Variants in EIF3H observed in about 807,000 individuals in gnomAD.
The protein encoded by EIF3H is eukaryotic translation initiation factor 3 subunit H.
A neutral mutation model predicts 44.2 loss-of-function variants in EIF3H; 26 were observed. The observed-to-expected ratio is 0.59, with a 90% CI of 0.43 to 0.82. The LOEUF is 0.82. EIF3H is among the 40% of genes least tolerant of loss of function. EIF3H has a pLI of 0.00. For synonymous variants in EIF3H, 166 were observed against 151.9 expected (o/e 1.09, Z -0.68); for missense variants, 359 against 432.8 (o/e 0.83, Z 1.51).
At chr8:116,732,077 A>G (rs1312748524) in intron 1 of EIF3H, among the ~76,000 whole-genome samples, 2 of 152,210 alleles carry the variant, frequency 1.3e-5, no homozygotes, top group Non-Finnish European at 2.9e-5. Flanking sequence ...AAGATAGTAA[A>G]CAGATGTCCT....
rs898937772 is a variant in EIF3H, at chr8:116,737,267, T to A, written c.133-11095A>T. 7 of 449,046 alleles carry A rather than the reference T, an allele frequency of 1.6e-5. No individual in the cohort carries two copies. The Admixed American group carries it at 1.7e-4, about 11-fold the overall frequency. The allele number at this position is 449,046 out of a possible 1,614,324, so 27.8% of individuals were successfully genotyped here. A position where few individuals can be genotyped will look rare whatever the true frequency, so the allele number is the denominator to read the frequency against. On this transcript the variant is annotated intron_variant, in intron 1 of 7. Transcript: ENST00000521861. Reference sequence around the variant, plus strand: ...AAAATCATCAGCAATATTTTCTATCTACGTACTTGAAGGCATTTCCCTGGG... The same window carrying A: ...AAAATCATCAGCAATATTTTCTATCAACGTACTTGAAGGCATTTCCCTGGG...
At chr8:116,717,452 A>C (rs1166273932) in intron 2 of EIF3H, among the ~76,000 whole-genome samples, 1 of 152,166 alleles carries the variant, frequency 6.6e-6, no homozygotes. Context: ...AAGAAGACTA[A>C]AGCAAAAATA....
chr8:116,745,157 T>C (rs181077113), intron 1 of EIF3H, among the ~76,000 whole-genome samples: 17 of 152,360 alleles, frequency 1.1e-4, no homozygotes, highest in African/African-American at 3.4e-4. Flanking sequence ...GCATTAACCA[T>C]ATAAATCCAG....
At chr8:116,688,227 G>A (rs1814112133) in intron 2 of EIF3H, among the ~76,000 whole-genome samples, 1 of 152,084 alleles carries the variant, frequency 6.6e-6, no homozygotes, top group Non-Finnish European at 1.5e-5. Context: ...TTGAAACACA[G>A]AATGTTGTCT....
intron 2 of EIF3H, among the ~76,000 whole-genome samples, chr8:116,694,479 T>TA (rs1175012433): frequency 6.6e-6 from 1 of 152,224 alleles, no homozygotes; most frequent in African/African-American, 2.4e-5. Flanking sequence ...ATTTGATTAG[T>TA]AAAAAAATCA....
At chr8:116,704,942 G>A (rs1814441463) in intron 2 of EIF3H, among the ~76,000 whole-genome samples, 1 of 152,166 alleles carries the variant, frequency 6.6e-6, no homozygotes, top group South Asian at 2.1e-4. Context: ...TATACCAAAT[G>A]TAAAGGTCTA....
intron 2 of EIF3H, among the ~76,000 whole-genome samples, chr8:116,672,110 T>C (rs890023654): frequency 5.3e-5 from 8 of 152,212 alleles, no homozygotes; most frequent in South Asian, 4.1e-4. Flanking sequence ...CCTTGTTAGA[T>C]AGAGAAAGCT....
chr8:116,647,551 A>G (rs1486201267), intron 6 of EIF3H, among the ~76,000 whole-genome samples: 1 of 152,224 alleles, frequency 6.6e-6, no homozygotes, highest in Non-Finnish European at 1.5e-5. Context: ...TATAAACTTT[A>G]ACTATAAACT....
rs1452507024 is a variant in EIF3H, at chr8:116,763,912, C to T, written c.-27+1603G>A. Among the ~76,000 whole-genome samples the T allele has an allele frequency of 2.0e-5, 3 of 152,086 alleles. No individual in the cohort carries two copies. The East Asian group carries it at 5.8e-4, about 29-fold the overall frequency. ...CTTTAATTCCATTTAGGCCATGAATCTTTCATGAGAAAGTCCTATTTGGGA... is the reference window on the plus strand; with the variant it reads ...CTTTAATTCCATTTAGGCCATGAATTTTTCATGAGAAAGTCCTATTTGGGA... On this transcript the variant is annotated intron_variant, in intron 1 of 9. Coordinates refer to the EIF3H transcript ENST00000276682.
intron 3 of EIF3H, among the ~76,000 whole-genome samples, chr8:116,658,091 A>T (rs1282041614): frequency 6.6e-6 from 1 of 152,252 alleles, no homozygotes; most frequent in East Asian, 1.9e-4. Context: ...CAGCCAATAT[A>T]AGTATACTTT....
At chr8:116,697,819 G>A (rs916522748) in intron 2 of EIF3H, among the ~76,000 whole-genome samples, 2 of 152,212 alleles carry the variant, frequency 1.3e-5, no homozygotes, top group Admixed American at 1.3e-4. Flanking sequence ...GAAATTTGAT[G>A]AGCATCTCAA....
chr8:116,684,076 AGAAAAAT>A (rs1166180015), intron 2 of EIF3H, among the ~76,000 whole-genome samples: 1 of 152,240 alleles, frequency 6.6e-6, no homozygotes, highest in African/African-American at 2.4e-5. Flanking sequence ...TTTAGAAAAG[AGAAAAAT>A]AAGATATGTC....
Position 116,646,540 on chromosome 8 carries a change from C to A in EIF3H, c.892G>T (p.Glu298Ter), listed in dbSNP as rs1484208899. The A allele has an allele frequency of 6.2e-7, 1 of 1,614,058 alleles. No homozygotes were observed. Among genetic ancestry groups the A allele is most frequent in the Non-Finnish European group, 8.5e-7 (1 of 1,180,036 alleles). Residue 298 changes from glutamate (E) to a stop codon, truncating the protein, a stop_gained, in exon 7 of 8, where the codon GAG (glutamate) becomes TAG (stop). Coordinates refer to ENST00000521861, the MANE Select transcript of EIF3H (RefSeq NM_003756.3). LOFTEE classifies it high-confidence loss of function. The stretch of plus-strand genomic sequence containing the variant: ...TTGAAGAGTTTGGACAGGTCCTCCT[C>A]AGGGAGCGGGGGTTCTCCTCGGCTC... ...RQSRGEPPLP[E>*]EDLSKLFKPP... is the part of the protein sequence containing the mutation.
intron 1 of EIF3H, among the ~76,000 whole-genome samples, chr8:116,754,835 C>T (rs1264973142): frequency 6.6e-6 from 1 of 152,206 alleles, no homozygotes; most frequent in African/African-American, 2.4e-5. Context: ...CTTGCAATTA[C>T]AATTTTCACA....
chr8:116,755,593 A>G (rs1815427049), intron 1 of EIF3H, 73 bp downstream of exon 1: 2 of 1,596,648 alleles, frequency 1.3e-6, no homozygotes, highest in Non-Finnish European at 1.7e-6. Context: ...AGAATGCTAG[A>G]AAGTACGTCT....
intron 1 of EIF3H, among the ~76,000 whole-genome samples, chr8:116,734,031 AATC>A (rs543665091): frequency 1.1e-4 from 16 of 152,214 alleles, no homozygotes; most frequent in Non-Finnish European, 1.8e-4. Flanking sequence ...ATATCACACT[AATC>A]ATGTAGCATC....
intron 2 of EIF3H, among the ~76,000 whole-genome samples, chr8:116,713,355 C>A (rs1352760255): frequency 1.3e-5 from 2 of 152,036 alleles, no homozygotes; most frequent in African/African-American, 4.8e-5. Flanking sequence ...GCGTAAAGCA[C>A]TTTAATTTCT....
chr8:116,750,052 A>G (rs1815301659), intron 1 of EIF3H, among the ~76,000 whole-genome samples: 1 of 152,306 alleles, frequency 6.6e-6, no homozygotes, highest in Non-Finnish European at 1.5e-5. Context: ...ATGACTGAGA[A>G]TGGTCATGAG....
intron 2 of EIF3H, among the ~76,000 whole-genome samples, chr8:116,692,136 T>G (rs1814188755): frequency 6.6e-6 from 1 of 152,210 alleles, no homozygotes; most frequent in African/African-American, 2.4e-5. Context: ...CTTCTTTTAC[T>G]TATTGGACTG....
Sources: gnomAD v4.1 joint callset for allele counts (sites outside exome capture counted in the v4.1 genomes callset) on GRCh38, gnomAD v4.1.1 for gene constraint, MANE v1.5 for transcripts, NCBI Gene and HGNC (gene_info 2026-07-23, HGNC 2026-07-21) for gene names.